Variants in GRM1 observed in about 807,000 individuals in gnomAD.
GRM1 encodes glutamate metabotropic receptor 1.
In GRM1, 33 loss-of-function variants were observed where a neutral mutation model predicts 90.9. The ratio of observed to expected loss-of-function variants is 0.36; its 90% CI spans 0.28 to 0.49. The LOEUF (loss-of-function observed/expected upper bound fraction) is 0.49. Among genes scored for constraint, GRM1 ranks in the 20% least tolerant of loss-of-function variants. GRM1 has a pLI of 0.99. For missense variants in GRM1, 1,190 were observed against 1,534.3 expected, an observed-to-expected ratio of 0.78 and a Z score of 3.75; for synonymous variants, 700 against 613.2, an observed-to-expected ratio of 1.14 and a Z score of -2.09.
intron 7 of GRM1, among the ~76,000 whole-genome samples, chr6:146,427,115 TG>T (rs1484348806): frequency 6.6e-6 from 1 of 152,076 alleles, no homozygotes; most frequent in African/African-American, 2.4e-5. Flanking sequence ...CGGGGGTGGG[TG>T]CCAACATGAG....
chr6:146,123,469 CT>C (rs1307997237), intron 1 of GRM1, among the ~76,000 whole-genome samples: 2 of 152,184 alleles, frequency 1.3e-5, no homozygotes, highest in Admixed American at 1.3e-4. Flanking sequence ...CAGAAGTTAT[CT>C]GGAGCACCAC....
chr6:146,121,247 G>C (rs1194098925), intron 1 of GRM1, among the ~76,000 whole-genome samples: 4 of 152,166 alleles, frequency 2.6e-5, no homozygotes, highest in Non-Finnish European at 5.9e-5. Context: ...AGTATTCTCT[G>C]ATGGTAGTTT....
chr6:146,137,383 A>G (rs1217275504), intron 1 of GRM1, among the ~76,000 whole-genome samples: 2 of 152,130 alleles, frequency 1.3e-5, no homozygotes, highest in African/African-American at 4.8e-5. Context: ...CTGCATATGG[A>G]TACCCAGTTT....
chr6:146,399,091 C>A lies in GRM1; in HGVS notation c.2052C>A (p.Arg684=). The part of the protein sequence containing the change: ...ALVTKTNRIA[R]ILAGSKKKIC... Reference sequence around the variant, plus strand: ...TGACTAAAACCAATCGTATTGCACGCATCCTGGCTGGCAGCAAGAAGAAGA... The same window carrying A: ...TGACTAAAACCAATCGTATTGCACGAATCCTGGCTGGCAGCAAGAAGAAGA... The change falls in exon 7 of 8, where the codon CGC becomes CGA. Residue 684 remains arginine, a synonymous_variant. Coordinates refer to ENST00000282753, the MANE Select transcript of GRM1 (RefSeq NM_001278064.2). The surrounding 1 kb of genome is among the most constrained non-coding windows in gnomAD (Gnocchi z 5.4). 1 of 1,614,112 alleles carries A rather than the reference C, an allele frequency of 6.2e-7. No homozygotes were observed. The highest frequency in any genetic ancestry group is 8.5e-7 in the Non-Finnish European group (1 of 1,180,016).
intron 3 of GRM1, among the ~76,000 whole-genome samples, chr6:146,340,039 G>A (rs1784913483): frequency 6.6e-6 from 1 of 152,166 alleles, no homozygotes; most frequent in Non-Finnish European, 1.5e-5. Flanking sequence ...CGTACCTGGT[G>A]ACTATGACTC....
chr6:146,199,629 T>C (rs777651325), intron 2 of GRM1, among the ~76,000 whole-genome samples: 5 of 152,114 alleles, frequency 3.3e-5, no homozygotes, highest in Non-Finnish European at 7.4e-5. Flanking sequence ...ATCTGTCTGA[T>C]GACTGCCAGT....
chr6:146,274,457 A>G (rs944861808), intron 2 of GRM1, among the ~76,000 whole-genome samples: 1 of 152,228 alleles, frequency 6.6e-6, no homozygotes, highest in Non-Finnish European at 1.5e-5. Context: ...CATTGTATAC[A>G]TAACATCTAA....
At chr6:146,374,613 C>T (rs954046438) in intron 5 of GRM1, among the ~76,000 whole-genome samples, 4 of 151,944 alleles carry the variant, frequency 2.6e-5, no homozygotes, top group Non-Finnish European at 4.4e-5. Context: ...TGTGTATCCA[C>T]GGATTTGTCT....
intron 2 of GRM1, chr6:146,171,888 G>T: frequency 4.2e-6 from 1 of 236,418 alleles, no homozygotes. Flanking sequence ...TTTTTTTCCA[G>T]CCACCAGCCT....
chr6:146,386,286 A>C (rs903099836), intron 5 of GRM1, among the ~76,000 whole-genome samples: 5 of 152,070 alleles, frequency 3.3e-5, no homozygotes, highest in African/African-American at 1.2e-4. Context: ...GTAATTTTGA[A>C]CTAGTAATTT....
intron 1 of GRM1, among the ~76,000 whole-genome samples, chr6:146,034,836 C>T (rs1790827362): frequency 6.6e-6 from 1 of 151,918 alleles, no homozygotes; most frequent in Non-Finnish European, 1.5e-5. Flanking sequence ...GAAAAGTCAT[C>T]ACAACAGATG....
intron 1 of GRM1, among the ~76,000 whole-genome samples, chr6:146,105,957 G>A (rs1777213126): frequency 6.6e-6 from 1 of 152,108 alleles, no homozygotes. Context: ...ATTCCACTCA[G>A]TACCTTTGAG....
chr6:146,434,929 T>C lies in GRM1; in HGVS notation c.*133T>C. 1.3e-6 allele frequency: 1 copy of C among 767,280 alleles called. No homozygotes were observed. The highest frequency in any genetic ancestry group is 2.2e-6 in the Non-Finnish European group (1 of 444,640). 47.5% of individuals were successfully genotyped at this position (767,280 alleles called of 1,614,324 possible). On this transcript the variant is annotated 3_prime_UTR_variant, in exon 8 of 8. Coordinates refer to ENST00000282753, the MANE Select transcript of GRM1 (RefSeq NM_001278064.2). Reference sequence around the variant, plus strand: ...GAGGACAGGAGACCGCTGCTGCTGCTGCCGCTACTGCTGCTGCTGCCTTAA... The same window carrying C: ...GAGGACAGGAGACCGCTGCTGCTGCCGCCGCTACTGCTGCTGCTGCCTTAA...
At chr6:146,108,710 G>T (rs1358594454) in intron 1 of GRM1, among the ~76,000 whole-genome samples, 1 of 152,176 alleles carries the variant, frequency 6.6e-6, no homozygotes, top group African/African-American at 2.4e-5. Context: ...GGGACAGTTT[G>T]GAGGTCTCAG....
chr6:146,138,097 T>C (rs1776695446), intron 1 of GRM1, among the ~76,000 whole-genome samples: 1 of 152,202 alleles, frequency 6.6e-6, no homozygotes. Context: ...TTGCATCATC[T>C]GCAAACAAGG....
intron 1 of GRM1, among the ~76,000 whole-genome samples, chr6:146,100,221 A>G (rs1321247511): frequency 6.6e-6 from 1 of 152,160 alleles, no homozygotes; most frequent in Non-Finnish European, 1.5e-5. Flanking sequence ...TCTTCTATTG[A>G]AGTATTGTTT....
At chr6:146,069,392 A>G (rs1160029872) in intron 1 of GRM1, among the ~76,000 whole-genome samples, 1 of 152,168 alleles carries the variant, frequency 6.6e-6, no homozygotes, top group East Asian at 1.9e-4. Context: ...AGTAACTTTT[A>G]TATGTTAAAT....
intron 7 of GRM1, among the ~76,000 whole-genome samples, chr6:146,401,051 T>C (rs1010548731): frequency 6.6e-6 from 1 of 152,154 alleles, no homozygotes; most frequent in Non-Finnish European, 1.5e-5. Context: ...ATGCCAAAAA[T>C]TCTACATCCT....
intron 1 of GRM1, among the ~76,000 whole-genome samples, chr6:146,087,917 T>C (rs761505521): frequency 2.6e-5 from 4 of 152,172 alleles, no homozygotes; most frequent in Non-Finnish European, 5.9e-5. Flanking sequence ...GTGCATGTTT[T>C]AGTGTGAACA....
Sources: gnomAD v4.1 joint callset for allele counts (sites outside exome capture counted in the v4.1 genomes callset) on GRCh38, gnomAD v4.1.1 for gene constraint, Gnocchi (gnomAD v3.1) non-coding constraint, MANE v1.5 for transcripts, NCBI Gene and HGNC (gene_info 2026-07-23, HGNC 2026-07-21) for gene names.